Variants in LRRN2 observed in about 807,000 individuals in gnomAD.
LRRN2 encodes the protein leucine-rich repeat neuronal protein 2.
Under a neutral mutation model 35.7 loss-of-function variants are expected in LRRN2, and 10 were observed. The ratio of observed to expected loss-of-function variants is 0.28; its 90% CI spans 0.17 to 0.47. LRRN2 has a LOEUF of 0.47. Among genes scored for constraint, LRRN2 ranks in the 20% least tolerant of loss-of-function variants. The pLI is 0.99. For synonymous variants in LRRN2, 391 were observed against 409.6 expected, an observed-to-expected ratio of 0.95 and a Z score of 0.55; for missense variants, 731 against 940.3, an observed-to-expected ratio of 0.78 and a Z score of 2.91.
intron 1 of LRRN2, among the ~76,000 whole-genome samples, chr1:204,640,518 G>A (rs796672401): frequency 1.4e-4 from 22 of 152,298 alleles, no homozygotes; most frequent in African/African-American, 4.8e-4. Flanking sequence ...TGTAGCAAAC[G>A]GAGCCTGTAG....
Position 204,618,682 on chromosome 1 carries a change from A to G in LRRN2, c.1311T>C (p.Ser437=), listed in dbSNP as rs753774012. The part of the protein sequence containing the change: ...RSFPPSLQVA[S]GESMVLHCRA... ...GGCAATGCAGCACCATGCTCTCTCC[A>G]CTGGCTACCTGGAGGCTTGGGGGGA... Residue 437 remains serine, a synonymous_variant, in exon 2 of 2, where the codon AGT becomes AGC. Transcript: ENST00000367177. 6.2e-7 allele frequency: 1 copy of G among 1,600,336 alleles called. No homozygotes were observed. Among genetic ancestry groups the G allele is most frequent in the South Asian group, 1.1e-5 (1 of 88,566 alleles).
At chr1:204,625,147 G>C (rs1042697445) in intron 1 of LRRN2, among the ~76,000 whole-genome samples, 1 of 152,222 alleles carries the variant, frequency 6.6e-6, no homozygotes, top group Non-Finnish European at 1.5e-5. Context: ...AGGAGGAGTG[G>C]TGGGGCGTGA....
chr1:204,684,466 T>C (rs556451211), intron 1 of LRRN2, among the ~76,000 whole-genome samples: 56 of 152,100 alleles, frequency 3.7e-4, no homozygotes, highest in Non-Finnish European at 7.4e-4. Context: ...CCTCCCCAGG[T>C]TCCGGGTCTC....
intron 1 of LRRN2, among the ~76,000 whole-genome samples, chr1:204,670,665 G>A (rs1668689164): frequency 6.6e-6 from 1 of 151,846 alleles, no homozygotes; most frequent in African/African-American, 2.4e-5. Context: ...CAGCAAAGAC[G>A]ACTCAGGAGT....
chr1:204,641,447 A>G (rs1010853890), intron 1 of LRRN2, among the ~76,000 whole-genome samples: 6 of 152,236 alleles, frequency 3.9e-5, no homozygotes, highest in Non-Finnish European at 5.9e-5. Context: ...GGACAACCTC[A>G]CTGACCCCAG....
At chr1:204,674,149 T>C (rs1300504263) in intron 1 of LRRN2, among the ~76,000 whole-genome samples, 2 of 152,102 alleles carry the variant, frequency 1.3e-5, no homozygotes, top group Non-Finnish European at 2.9e-5. Flanking sequence ...CCAATACTCC[T>C]CAGGGAGGGG....
chr1:204,645,845 C>A (rs565955647), intron 1 of LRRN2, among the ~76,000 whole-genome samples: 3 of 152,274 alleles, frequency 2.0e-5, no homozygotes, highest in African/African-American at 7.2e-5. Context: ...GATTTATTAT[C>A]ATGAGAAGGG....
At chr1:204,675,574 C>G (rs932709471) in intron 1 of LRRN2, among the ~76,000 whole-genome samples, 3 of 152,212 alleles carry the variant, frequency 2.0e-5, no homozygotes, top group Non-Finnish European at 2.9e-5. Flanking sequence ...TACCCAGATG[C>G]TGACTTCTGC....
intron 1 of LRRN2, among the ~76,000 whole-genome samples, chr1:204,630,417 C>T (rs549627256): frequency 1.3e-5 from 2 of 152,062 alleles, no homozygotes; most frequent in African/African-American, 4.8e-5. Context: ...AGGCCAAGCC[C>T]CTTCTAACGG....
At chr1:204,634,707 C>A (rs1272542072) in intron 1 of LRRN2, among the ~76,000 whole-genome samples, 1 of 152,252 alleles carries the variant, frequency 6.6e-6, no homozygotes, top group East Asian at 1.9e-4. Flanking sequence ...GGTTTCAGAG[C>A]GAGGATGGCC....
intron 1 of LRRN2, among the ~76,000 whole-genome samples, chr1:204,658,251 T>C (rs1668401762): frequency 6.6e-6 from 1 of 152,166 alleles, no homozygotes; most frequent in African/African-American, 2.4e-5. Flanking sequence ...GTGTTGGGAT[T>C]ACAGGCATGA....
chr1:204,627,837 G>A (rs987924140), intron 1 of LRRN2, among the ~76,000 whole-genome samples: 23 of 152,154 alleles, frequency 1.5e-4, no homozygotes, highest in Admixed American at 1.4e-3. Flanking sequence ...CTGTCTCCCC[G>A]ACCAGACTGT....
At chr1:204,635,205 C>T (rs1019122434) in intron 1 of LRRN2, among the ~76,000 whole-genome samples, 8 of 152,144 alleles carry the variant, frequency 5.3e-5, no homozygotes, top group African/African-American at 1.9e-4. Context: ...TATTTGCTGA[C>T]TACTGAACCC....
chr1:204,624,754 C>T (rs571895278), intron 1 of LRRN2, among the ~76,000 whole-genome samples: 3 of 78,642 alleles, frequency 3.8e-5, no homozygotes, highest in South Asian at 4.8e-4. Context: ...GTTCCCCCCC[C>T]ACCCCCCCCC....
At chr1:204,677,055 G>A (rs772176211) in intron 1 of LRRN2, among the ~76,000 whole-genome samples, 3 of 152,164 alleles carry the variant, frequency 2.0e-5, no homozygotes, top group East Asian at 1.9e-4. Flanking sequence ...ACTCAATAAC[G>A]TTAGCTCTTA....
intron 1 of LRRN2, among the ~76,000 whole-genome samples, chr1:204,650,804 G>A (rs978918120): frequency 2.0e-5 from 3 of 152,080 alleles, no homozygotes; most frequent in African/African-American, 4.8e-5. Context: ...CTCCGCTCAT[G>A]GATTTTACTT....
At chr1:204,631,093 A>G (rs1571642622) in intron 1 of LRRN2, among the ~76,000 whole-genome samples, 2 of 144,326 alleles carry the variant, frequency 1.4e-5, no homozygotes, top group South Asian at 4.7e-4. Context: ...AGAATCAGAA[A>G]CTCTGAGGGT....
chr1:204,656,082 C>T lies in LRRN2; in HGVS notation c.-227+29238G>A, dbSNP rs559674552. ...CCGCCACCACGCCCGGCTAATTTTT[C>T]GTATTTTTAGTAGAGACGGGGTTTC... is the stretch of plus-strand genomic sequence containing the variant. On this transcript the variant is annotated intron_variant, in intron 1 of 1. Transcript: ENST00000367177. Among the ~76,000 whole-genome samples the T allele has an allele frequency of 5.7e-4, 71 of 123,874 alleles. 3 individuals carry two copies. The South Asian group carries it at 0.019, about 33-fold the overall frequency. The allele number at this position is 123,874 out of a possible 152,430, so 81.3% of individuals were successfully genotyped here.
intron 1 of LRRN2, among the ~76,000 whole-genome samples, chr1:204,649,782 C>T (rs1668183218): frequency 6.6e-6 from 1 of 152,126 alleles, no homozygotes; most frequent in African/African-American, 2.4e-5. Flanking sequence ...TGGACGTGAG[C>T]CCTCTCCCGG....
Sources: gnomAD v4.1 joint callset for allele counts (sites outside exome capture counted in the v4.1 genomes callset) on GRCh38, gnomAD v4.1.1 for gene constraint, MANE v1.5 for transcripts, NCBI Gene and HGNC (gene_info 2026-07-23, HGNC 2026-07-21) for gene names.